Variants in DPP10 observed in about 807,000 individuals in gnomAD.
DPP10 encodes the protein inactive dipeptidyl peptidase 10.
In DPP10, 33 loss-of-function variants were observed where a neutral mutation model predicts 120.9. The observed-to-expected ratio is 0.27, with a 90% CI of 0.21 to 0.37. The LOEUF (loss-of-function observed/expected upper bound fraction) is 0.37. DPP10 is among the 10% of genes least tolerant of loss of function. DPP10 has a pLI of 1.00. For missense variants in DPP10, 816 were observed against 942.8 expected (o/e 0.87, Z 1.76); for synonymous variants, 337 against 326.1 (o/e 1.03, Z -0.36).
At chr2:114,450,868 G>T (rs1218556602) in intron 1 of DPP10, among the ~76,000 whole-genome samples, 2 of 152,052 alleles carry the variant, frequency 1.3e-5, no homozygotes, top group Non-Finnish European at 2.9e-5. Flanking sequence ...ATTTCAATAG[G>T]TAGGGCTTTT....
intron 1 of DPP10, among the ~76,000 whole-genome samples, chr2:114,528,847 A>C (rs565128727): frequency 1.3e-5 from 2 of 152,108 alleles, no homozygotes; most frequent in African/African-American, 4.8e-5. Flanking sequence ...ATCAAAGCCT[A>C]CTGATTTTGC....
At chr2:115,487,118 C>G (rs1187564492) in intron 3 of DPP10, among the ~76,000 whole-genome samples, 1 of 151,640 alleles carries the variant, frequency 6.6e-6, no homozygotes, top group East Asian at 1.9e-4. Context: ...TGAGTGAACT[C>G]CCATTCACAA....
At chr2:115,592,599 A>T (rs970733324) in intron 5 of DPP10, among the ~76,000 whole-genome samples, 3 of 151,522 alleles carry the variant, frequency 2.0e-5, no homozygotes, top group Admixed American at 6.6e-5. Flanking sequence ...CAAAAAAAAA[A>T]ACAAAAATTA....
chr2:114,860,046 T>G (rs1689688859), intron 1 of DPP10, among the ~76,000 whole-genome samples: 1 of 152,256 alleles, frequency 6.6e-6, no homozygotes, highest in African/African-American at 2.4e-5. Context: ...AGGGTATACA[T>G]ACACCACATT....
intron 1 of DPP10, among the ~76,000 whole-genome samples, chr2:114,991,425 A>G (rs984790273): frequency 6.6e-6 from 1 of 152,232 alleles, no homozygotes; most frequent in Non-Finnish European, 1.5e-5. Context: ...AAAAGAAAAA[A>G]TGAAAAAGAC....
At chr2:114,757,354 G>T (rs1396337394) in intron 1 of DPP10, among the ~76,000 whole-genome samples, 2 of 143,054 alleles carry the variant, frequency 1.4e-5, no homozygotes, top group Non-Finnish European at 1.5e-5. Context: ...GTAGGGAGAG[G>T]GGGAGGGAGG....
At chr2:114,901,587 A>G (rs1467625411) in intron 1 of DPP10, among the ~76,000 whole-genome samples, 1 of 152,190 alleles carries the variant, frequency 6.6e-6, no homozygotes, top group East Asian at 1.9e-4. Context: ...GTGAGGATAA[A>G]CTTTATTTTG....
At chr2:115,100,265 C>A (rs1359951883) in intron 1 of DPP10, among the ~76,000 whole-genome samples, 1 of 152,098 alleles carries the variant, frequency 6.6e-6, no homozygotes, top group East Asian at 1.9e-4. Flanking sequence ...AACAGGGCAA[C>A]AAAGATCCTG....
chr2:114,812,940 G>A (rs775563983), intron 1 of DPP10, among the ~76,000 whole-genome samples: 2 of 152,078 alleles, frequency 1.3e-5, no homozygotes, highest in East Asian at 1.9e-4. Flanking sequence ...CCATGATTCC[G>A]TATTTTTTAA....
chr2:115,245,618 C>G (rs1021444525), intron 1 of DPP10, among the ~76,000 whole-genome samples: 3 of 151,982 alleles, frequency 2.0e-5, no homozygotes, highest in Non-Finnish European at 4.4e-5. Flanking sequence ...TCCAGTAATC[C>G]CAATATTGGG....
At chr2:114,505,961 C>A (rs1683619344) in intron 1 of DPP10, among the ~76,000 whole-genome samples, 1 of 152,204 alleles carries the variant, frequency 6.6e-6, no homozygotes, top group African/African-American at 2.4e-5. Context: ...CTTTCCAAAG[C>A]AGTCCTGGCT....
At chr2:114,649,141 T>C (rs929458627) in intron 1 of DPP10, among the ~76,000 whole-genome samples, 1 of 152,222 alleles carries the variant, frequency 6.6e-6, no homozygotes, top group African/African-American at 2.4e-5. Context: ...CATTTAACTT[T>C]TTAAAAATAA....
At chr2:114,837,700 C>T (rs1687852429) in intron 1 of DPP10, among the ~76,000 whole-genome samples, 1 of 152,198 alleles carries the variant, frequency 6.6e-6, no homozygotes, top group Non-Finnish European at 1.5e-5. Context: ...CCCTAAACCT[C>T]AATGGCAATT....
intron 12 of DPP10, among the ~76,000 whole-genome samples, chr2:115,764,090 A>T (rs935470083): frequency 6.6e-6 from 1 of 152,126 alleles, no homozygotes. Flanking sequence ...ATTAAAGTCA[A>T]GTGTAATCTT....
intron 1 of DPP10, among the ~76,000 whole-genome samples, chr2:114,650,434 CATG>C (rs1696496827): frequency 3.3e-5 from 5 of 152,150 alleles, no homozygotes; most frequent in Non-Finnish European, 7.3e-5. Context: ...AAAAGTGATA[CATG>C]TACGCTACAT....
chr2:114,737,970 T>A (rs1287693555), intron 1 of DPP10, among the ~76,000 whole-genome samples: 1 of 152,102 alleles, frequency 6.6e-6, no homozygotes, highest in Admixed American at 6.6e-5. Flanking sequence ...GTTCTGCAGG[T>A]TGTAGAGGAA....
chr2:115,751,172 C>T (rs1180947110), intron 10 of DPP10, among the ~76,000 whole-genome samples: 1 of 152,124 alleles, frequency 6.6e-6, no homozygotes. Flanking sequence ...AGCATTTCAG[C>T]ACTTATTTTC....
chr2:115,635,586 G>A (rs1211600317), intron 5 of DPP10, among the ~76,000 whole-genome samples: 1 of 152,148 alleles, frequency 6.6e-6, no homozygotes, highest in Non-Finnish European at 1.5e-5. Context: ...AATTCTTCAA[G>A]TTTGCAGGCA....
intron 1 of DPP10, among the ~76,000 whole-genome samples, chr2:114,900,759 A>G (rs375184413): frequency 6.6e-5 from 10 of 152,312 alleles, no homozygotes; most frequent in East Asian, 5.8e-4. Context: ...TGTTTAAGAC[A>G]TATTTTTCAA....
Sources: allele counts gnomAD v4.1 joint callset (sites outside exome capture counted in the v4.1 genomes callset), GRCh38; gene constraint gnomAD v4.1.1; transcripts MANE v1.5; gene names NCBI Gene and HGNC (gene_info 2026-07-23, HGNC 2026-07-21).